Variants in C1orf174 observed in about 807,000 individuals in gnomAD.
C1orf174 encodes the protein chromosome 1 open reading frame 174.
In C1orf174, 13 loss-of-function variants were observed where a neutral mutation model predicts 18.4. The observed-to-expected ratio is 0.71, with a 90% CI of 0.46 to 1.12. The LOEUF is 1.12. Ranked by LOEUF, C1orf174 falls within the 50% of genes most tolerant of loss-of-function variation. C1orf174 has a pLI of 0.00. For synonymous variants in C1orf174, 100 were observed against 118.3 expected (o/e 0.85, Z 1.01); for missense variants, 309 against 308.0 (o/e 1.00, Z -0.02).
At chr1:3,899,096 T>C (rs1387067121) in intron 1 of C1orf174, among the ~76,000 whole-genome samples, 2 of 152,138 alleles carry the variant, frequency 1.3e-5, no homozygotes, top group African/African-American at 4.8e-5. Flanking sequence ...TTAGGAAATA[T>C]TCACTTTAAT....
At chr1:3,896,252 A>T (rs889501996) in intron 1 of C1orf174, 5 of 152,704 alleles carry the variant, frequency 3.3e-5, no homozygotes, top group African/African-American at 1.2e-4. Flanking sequence ...CCCTATTTGT[A>T]GAATGAAGGC....
chr1:3,891,628 G>C lies in C1orf174; in HGVS notation c.130-571C>G, dbSNP rs554428701. 1,243 of 986,124 alleles carry C rather than the reference G, an allele frequency of 1.3e-3. 1 individual carries two copies. Among genetic ancestry groups the C allele is most frequent in the Non-Finnish European group, 1.4e-3 (1,184 of 830,434 alleles). 61.1% of individuals were successfully genotyped at this position (986,124 alleles called of 1,614,324 possible). ...TCCGTGAAGCGGCTCTACTTCACCGGTAAGTTCAGGAACTCGCTCCTCGGA... is the reference window on the plus strand; with the variant it reads ...TCCGTGAAGCGGCTCTACTTCACCGCTAAGTTCAGGAACTCGCTCCTCGGA... On this transcript the variant is annotated intron_variant, in intron 2 of 3. Transcript: ENST00000361605.
At chr1:3,898,535 AAC>A (rs1403349914) in intron 1 of C1orf174, among the ~76,000 whole-genome samples, 3 of 93,786 alleles carry the variant, frequency 3.2e-5, no homozygotes, top group Non-Finnish European at 6.5e-5. Flanking sequence ...CAACAACAAC[AAC>A]AACAACAACA....
rs1242635215 is a variant in C1orf174 at position 3,900,220 on chromosome 1, C to T, written c.-34G>A. ...GCACCGCAGCCAAGCACCGCGCGCCCCGGCCAACGCGTCCCGGCGGAGCGG... is the reference window on the plus strand; with the variant it reads ...GCACCGCAGCCAAGCACCGCGCGCCTCGGCCAACGCGTCCCGGCGGAGCGG... On this transcript the variant is annotated 5_prime_UTR_variant, in exon 1 of 4. Coordinates refer to ENST00000361605, the MANE Select transcript of C1orf174 (RefSeq NM_207356.3). 8 of 1,560,876 alleles carry T rather than the reference C, an allele frequency of 5.1e-6. No individual in the cohort carries two copies. The highest frequency in any genetic ancestry group is 1.9e-5 in the Admixed American group (1 of 53,656).
At chr1:3,896,529 C>T (rs1254389291) in intron 1 of C1orf174, among the ~76,000 whole-genome samples, 2 of 152,232 alleles carry the variant, frequency 1.3e-5, no homozygotes, top group Non-Finnish European at 2.9e-5. Flanking sequence ...AGCTCTTACA[C>T]CTGCCCAAAG....
At chr1:3,893,108 AT>A in intron 1 of C1orf174, 112 bp from the exon 2 acceptor site, 1 of 1,148,376 alleles carries the variant, frequency 8.7e-7, no homozygotes. Flanking sequence ...CACTCCCAGG[AT>A]TTTATCATCT....
intron 3 of C1orf174, among the ~76,000 whole-genome samples, 154 bp from the exon 4 acceptor site, chr1:3,890,227 G>A (rs1638479967): frequency 6.6e-6 from 1 of 152,184 alleles, no homozygotes; most frequent in Non-Finnish European, 1.5e-5. Context: ...GCCTCTAGAT[G>A]AGAACTTCCT....
Position 3,892,959 on chromosome 1 carries a change from G to A in C1orf174, c.53C>T (p.Ala18Val), listed in dbSNP as rs769617025. 6.2e-7 allele frequency: 1 copy of A among 1,614,172 alleles called. No homozygotes were observed. Among genetic ancestry groups the A allele is most frequent in the African/African-American group, 1.3e-5 (1 of 75,056 alleles). The part of the protein sequence containing the change: ...GAVRSSARLK[A>V]RSCSAARLAS... Reference sequence around the variant, plus strand: ...CAACCTGGCTGCCGAACAACTTCGTGCTTTCAAGCGCGCTGAAGACCGCAC... The same window carrying A: ...CAACCTGGCTGCCGAACAACTTCGTACTTTCAAGCGCGCTGAAGACCGCAC... Residue 18 changes from alanine to valine, a missense_variant, in exon 2 of 4, where the codon GCA becomes GTA. Physicochemically the swap from Ala to Val is moderately conservative, Grantham distance 64 (BLOSUM62 0). Transcript: ENST00000361605.
chr1:3,900,123 AG>A (rs772911809), intron 1 of C1orf174, 48 bp downstream of exon 1: 1 of 1,562,652 alleles, frequency 6.4e-7, no homozygotes, highest in South Asian at 1.2e-5. Flanking sequence ...CAGGTGACCC[AG>A]AGTCCCCGCC....
At chr1:3,891,859 A>G (rs183357291) in intron 2 of C1orf174, 1,222 of 898,492 alleles carry the variant, frequency 1.4e-3, no homozygotes, top group African/African-American at 0.01. Flanking sequence ...CTAGGATCAG[A>G]GCCCGGGTCT....
intron 1 of C1orf174, among the ~76,000 whole-genome samples, chr1:3,899,527 C>T (rs998855407): frequency 3.3e-5 from 5 of 152,216 alleles, no homozygotes; most frequent in African/African-American, 1.2e-4. Context: ...TCACCACCCT[C>T]TTGGTGGATC....
intron 1 of C1orf174, among the ~76,000 whole-genome samples, chr1:3,896,679 A>G (rs7552665): frequency 0.011 from 1,661 of 152,376 alleles, 37 homozygotes; most frequent in African/African-American, 0.038. Context: ...CAGTTCGCAG[A>G]AGAGAACCAG....
At chr1:3,898,414 G>A (rs1270533784) in intron 1 of C1orf174, among the ~76,000 whole-genome samples, 4 of 152,140 alleles carry the variant, frequency 2.6e-5, no homozygotes, top group African/African-American at 7.2e-5. Flanking sequence ...AGAGGCTGAG[G>A]TGAGAATCAC....
At chr1:3,895,221 C>G (rs1476098802) in intron 1 of C1orf174, 2 of 152,400 alleles carry the variant, frequency 1.3e-5, no homozygotes, top group Non-Finnish European at 2.9e-5. Context: ...ATGAGGACAA[C>G]TTGGGTAAGG....
intron 3 of C1orf174, 76 bp from the exon 4 acceptor site, chr1:3,890,149 A>G (rs1450277623): frequency 3.4e-6 from 4 of 1,193,180 alleles, no homozygotes; most frequent in African/African-American, 1.5e-5. Context: ...TGCCCCACCC[A>G]GCGGCTCTAG....
rs536903002 is a variant in C1orf174, at chr1:3,897,465, G to A, written c.15+2707C>T. 1.1e-3 allele frequency among the ~76,000 whole-genome samples: 169 copies of A among 152,302 alleles called. 4 individuals carry two copies. The South Asian group carries it at 0.03, about 27-fold the overall frequency. On this transcript the variant is annotated intron_variant, in intron 1 of 3. Transcript: ENST00000361605. ...ACTTGAAGACAGATCGATAGATTAT[G>A]CATGCTGAAGAACACAGAGAAAAAA... is the stretch of plus-strand genomic sequence containing the variant.
chr1:3,897,188 A>C (rs1398046738), intron 1 of C1orf174, among the ~76,000 whole-genome samples: 1 of 152,230 alleles, frequency 6.6e-6, no homozygotes, highest in African/African-American at 2.4e-5. Flanking sequence ...AAAGCAGGCC[A>C]CAGAAGCTGT....
intron 2 of C1orf174, 35 bp downstream of exon 2, chr1:3,892,848 A>G: frequency 6.2e-7 from 1 of 1,608,248 alleles, no homozygotes; most frequent in Non-Finnish European, 8.5e-7. Flanking sequence ...CCCTCGAGTC[A>G]GGATCTTGGC....
At chr1:3,899,606 C>T (rs989785006) in intron 1 of C1orf174, among the ~76,000 whole-genome samples, 2 of 152,226 alleles carry the variant, frequency 1.3e-5, no homozygotes, top group Non-Finnish European at 2.9e-5. Flanking sequence ...GTGTGACGTC[C>T]ATTGGAGTGG....
Sources: allele counts gnomAD v4.1 joint callset (sites outside exome capture counted in the v4.1 genomes callset), GRCh38; gene constraint gnomAD v4.1.1; transcripts MANE v1.5; gene names NCBI Gene and HGNC (gene_info 2026-07-23, HGNC 2026-07-21).